Variants in LRRC42 observed in about 807,000 individuals in gnomAD.
LRRC42 encodes leucine rich repeat containing 42.
A neutral mutation model predicts 44.3 loss-of-function variants in LRRC42; 43 were observed. The ratio of observed to expected loss-of-function variants is 0.97; its 90% CI spans 0.76 to 1.25. LRRC42 has a LOEUF of 1.25. LRRC42 is among the 50% of genes most tolerant of loss of function. LRRC42 has a pLI of 0.00. For synonymous variants in LRRC42, 207 were observed against 195.2 expected (o/e 1.06, Z -0.50); for missense variants, 540 against 509.1 (o/e 1.06, Z -0.58).
intron 4 of LRRC42, among the ~76,000 whole-genome samples, chr1:53,959,028 C>T (rs1450454558): frequency 5.3e-5 from 8 of 152,078 alleles, no homozygotes; most frequent in Non-Finnish European, 7.4e-5. Flanking sequence ...GGATTATAGG[C>T]GCCCCCCACC....
At chr1:53,961,920 A>T (rs1471111146) in intron 5 of LRRC42, 114 bp from the exon 6 acceptor site, 2 of 728,796 alleles carry the variant, frequency 2.7e-6, no homozygotes, top group Non-Finnish European at 4.7e-6. Context: ...AAGTTTGCCA[A>T]CTCAAATGTT....
chr1:53,949,555 C>T (rs948596008), intron 2 of LRRC42, among the ~76,000 whole-genome samples: 8 of 152,182 alleles, frequency 5.3e-5, no homozygotes, highest in Non-Finnish European at 1.2e-4. Context: ...AGGACATCTG[C>T]CGTAATTCCT....
intron 2 of LRRC42, among the ~76,000 whole-genome samples, chr1:53,951,449 A>T (rs1212937543): frequency 6.6e-6 from 1 of 152,076 alleles, no homozygotes; most frequent in Non-Finnish European, 1.5e-5. Flanking sequence ...TTTGAGACGG[A>T]GTCTCGCTCT....
chr1:53,960,213 C>G, intron 4 of LRRC42, 143 bp from the exon 5 acceptor site: 1 of 606,774 alleles, frequency 1.6e-6, no homozygotes, highest in South Asian at 2.2e-5. Flanking sequence ...AAGAGCTTAA[C>G]TTTGTTAAAT....
At chr1:53,957,540 T>G (rs1654873230) in intron 3 of LRRC42, among the ~76,000 whole-genome samples, 1 of 152,198 alleles carries the variant, frequency 6.6e-6, no homozygotes, top group Non-Finnish European at 1.5e-5. Flanking sequence ...GTGCTCAGGG[T>G]TTGTCTTAAT....
intron 3 of LRRC42, among the ~76,000 whole-genome samples, chr1:53,954,123 C>G (rs1654767041): frequency 6.6e-6 from 1 of 152,202 alleles, no homozygotes; most frequent in Non-Finnish European, 1.5e-5. Flanking sequence ...TATCAGAAAA[C>G]AGGAGGTAAG....
chr1:53,958,600 T>C (rs1654909949), intron 4 of LRRC42, among the ~76,000 whole-genome samples: 1 of 152,204 alleles, frequency 6.6e-6, no homozygotes, highest in Non-Finnish European at 1.5e-5. Flanking sequence ...TTTATTTTTT[T>C]TGGAGACAAA....
Position 53,958,220 on chromosome 1 carries a change from G to C in LRRC42, c.545G>C (p.Cys182Ser). ...FRELTCLDLS[C>S]CKLGDEHELL... ...GAGCTGACCTGCCTGGATCTTTCCTGTTGCAAGCTTGGAGATGAGCATGAA... is the reference window on the plus strand; with the variant it reads ...GAGCTGACCTGCCTGGATCTTTCCTCTTGCAAGCTTGGAGATGAGCATGAA... The change falls in exon 4 of 9, where the codon TGT (cysteine) becomes TCT (serine). Residue 182 changes from cysteine (C) to serine (S), a missense_variant. Physicochemically the swap from Cys to Ser is moderately radical, Grantham distance 112. Coordinates refer to ENST00000371370, the MANE Select transcript of LRRC42 (RefSeq NM_001256409.2). 6.2e-7 allele frequency: 1 copy of C among 1,613,902 alleles called. No homozygotes were observed. Among genetic ancestry groups the C allele is most frequent in the Non-Finnish European group, 8.5e-7 (1 of 1,179,848 alleles).
rs1022014241 is a variant in LRRC42, at chr1:53,946,409, C to A, written c.-189C>A. On this transcript the variant is annotated 5_prime_UTR_variant, in exon 1 of 9. Transcript: ENST00000371370. ...CACGGCGCCTGGTTGCCCCCAGCCC[C>A]CTCCCTCCTCCCACCTTCACTGTGT... is the stretch of plus-strand genomic sequence containing the variant. The A allele has an allele frequency of 6.6e-6, 1 of 152,268 alleles. No homozygotes were observed. Among genetic ancestry groups the A allele is most frequent in the Non-Finnish European group, 1.5e-5 (1 of 68,136 alleles). The allele number at this position is 152,268 out of a possible 1,614,324, so 9.4% of individuals were successfully genotyped here. A position where few individuals can be genotyped will look rare whatever the true frequency, so the allele number is the denominator to read the frequency against.
intron 1 of LRRC42, 149 bp downstream of exon 1, chr1:53,946,698 TG>T (rs1272130667): frequency 4.4e-5 from 3 of 67,880 alleles, no homozygotes; most frequent in South Asian, 4.4e-4. Context: ...GGTATACTGG[TG>T]GGGGCGATGG....
chr1:53,951,925 A>T, intron 2 of LRRC42, 61 bp from the exon 3 acceptor site: 4 of 1,302,886 alleles, frequency 3.1e-6, no homozygotes, highest in Non-Finnish European at 4.2e-6. Context: ...CAGCAAGATG[A>T]AGTTACATGT....
At chr1:53,964,451 A>T (rs1435099162) in intron 7 of LRRC42, among the ~76,000 whole-genome samples, 2 of 152,084 alleles carry the variant, frequency 1.3e-5, no homozygotes, top group African/African-American at 4.8e-5. Flanking sequence ...CTGCCACCTC[A>T]AATTCAGCTT....
chr1:53,948,259 A>C (rs1654582181), intron 2 of LRRC42, among the ~76,000 whole-genome samples: 3 of 152,152 alleles, frequency 2.0e-5, no homozygotes, highest in Admixed American at 1.3e-4. Flanking sequence ...TTCAGCTCAC[A>C]ATTTTACCCT....
intron 4 of LRRC42, 60 bp from the exon 5 acceptor site, chr1:53,960,296 T>TA (rs1158011072): frequency 2.1e-5 from 24 of 1,143,704 alleles, no homozygotes; most frequent in Non-Finnish European, 3.0e-5. Context: ...AGCATGTTTT[T>TA]ATACCTAGAT....
chr1:53,952,517 A>G, intron 3 of LRRC42, 45 bp downstream of exon 3: 2 of 1,504,886 alleles, frequency 1.3e-6, no homozygotes, highest in African/African-American at 2.8e-5. Flanking sequence ...TGGGTGTGTT[A>G]ATTCTGTCAA....
At chr1:53,958,693 TCTC>T (rs1654912378) in intron 4 of LRRC42, among the ~76,000 whole-genome samples, 1 of 151,486 alleles carries the variant, frequency 6.6e-6, no homozygotes, top group Non-Finnish European at 1.5e-5. Context: ...TTCAAGCAAT[TCTC>T]CTGCGTCAGC....
intron 3 of LRRC42, among the ~76,000 whole-genome samples, chr1:53,954,434 A>G (rs959188846): frequency 3.3e-5 from 5 of 152,138 alleles, no homozygotes; most frequent in Non-Finnish European, 7.4e-5. Flanking sequence ...TTTACCCTTC[A>G]TTTTTTCTTC....
chr1:53,957,313 C>T (rs1654868659), intron 3 of LRRC42, among the ~76,000 whole-genome samples: 4 of 152,170 alleles, frequency 2.6e-5, no homozygotes, highest in Admixed American at 2.0e-4. Flanking sequence ...GTTTCCCTGT[C>T]CTCTTAGGTT....
At chr1:53,953,717 T>C (rs553385157) in intron 3 of LRRC42, among the ~76,000 whole-genome samples, 4 of 151,922 alleles carry the variant, frequency 2.6e-5, no homozygotes, top group African/African-American at 9.7e-5. Flanking sequence ...ATTCTGTGAT[T>C]AGACCTGAAA....
Sources: allele counts gnomAD v4.1 joint callset (sites outside exome capture counted in the v4.1 genomes callset), GRCh38; gene constraint gnomAD v4.1.1; transcripts MANE v1.5; gene names NCBI Gene and HGNC (gene_info 2026-07-23, HGNC 2026-07-21).